IMPG2: variants seen among roughly 807,000 people sequenced by gnomAD.
The protein encoded by IMPG2 is interphotoreceptor matrix proteoglycan 2.
Under a neutral mutation model 129.2 loss-of-function variants are expected in IMPG2, and 91 were observed. That is an observed-to-expected ratio of 0.70 (90% CI 0.59 to 0.84). IMPG2 has a LOEUF of 0.84. IMPG2 is among the 40% of genes least tolerant of loss of function. IMPG2 has a pLI of 0.00. For missense variants in IMPG2, 1,430 were observed against 1,461.7 expected, an observed-to-expected ratio of 0.98 and a Z score of 0.35; for synonymous variants, 510 against 517.7, an observed-to-expected ratio of 0.99 and a Z score of 0.20.
intron 4 of IMPG2, among the ~76,000 whole-genome samples, chr3:101,289,411 A>T (rs1397789021): frequency 6.6e-6 from 1 of 152,232 alleles, no homozygotes; most frequent in Non-Finnish European, 1.5e-5. Flanking sequence ...GTAAAAGTAC[A>T]TAATTCAGAG....
chr3:101,235,338 T>C lies in IMPG2; in HGVS notation c.3023-2347A>G, dbSNP rs557479798. 2.0e-5 allele frequency among the ~76,000 whole-genome samples: 3 copies of C among 152,364 alleles called. No homozygotes were observed. The South Asian group carries it at 6.2e-4, about 32-fold the overall frequency. ...GAAGAAATTTACCCTTGTAGCATCA[T>C]GTCAGTGCTCAAAAAGTTTCAGACT... is the stretch of plus-strand genomic sequence containing the variant. On this transcript the variant is annotated intron_variant, in intron 14 of 18. Transcript: ENST00000193391.
chr3:101,260,350 T>C (rs374055215), intron 9 of IMPG2, among the ~76,000 whole-genome samples: 13 of 152,144 alleles, frequency 8.5e-5, no homozygotes, highest in East Asian at 3.9e-4. Flanking sequence ...TCCTCAATCC[T>C]CTAAGCAATT....
Position 101,283,676 on chromosome 3 carries a change from A to G in IMPG2, c.534-6963T>C, listed in dbSNP as rs542055617. On this transcript the variant is annotated intron_variant, in intron 4 of 18. Coordinates refer to ENST00000193391, the MANE Select transcript of IMPG2 (RefSeq NM_016247.4). ...AAATAAATCAATTTATATAAAATTT[A>G]TACATACTGATATACTACATAGCAA... Among the ~76,000 whole-genome samples the G allele has an allele frequency of 3.9e-5, 6 of 152,284 alleles. No individual in the cohort carries two copies. In the South Asian group the frequency reaches 1.2e-3, roughly 32 times the overall value.
chr3:101,236,300 T>C (rs1706345019), intron 14 of IMPG2, among the ~76,000 whole-genome samples: 1 of 152,216 alleles, frequency 6.6e-6, no homozygotes, highest in African/African-American at 2.4e-5. Context: ...GTGGGGCTAA[T>C]GCCAGCTAAT....
intron 10 of IMPG2, among the ~76,000 whole-genome samples, chr3:101,256,449 C>A (rs348884): frequency 1.3e-5 from 2 of 151,862 alleles, no homozygotes; most frequent in Admixed American, 6.6e-5. Context: ...AGCCCCAACT[C>A]AAAAAAATCT....
intron 9 of IMPG2, among the ~76,000 whole-genome samples, chr3:101,261,165 A>AG (rs1706665681): frequency 6.6e-6 from 1 of 152,162 alleles, no homozygotes; most frequent in African/African-American, 2.4e-5. Flanking sequence ...TCTTAGCGTG[A>AG]TAGACCATAT....
intron 6 of IMPG2, 54 bp downstream of exon 6, chr3:101,275,609 T>C: frequency 7.7e-7 from 1 of 1,306,340 alleles, no homozygotes; most frequent in Non-Finnish European, 1.1e-6. Flanking sequence ...AAACTCTCTC[T>C]TAATCTCTAT....
At position 101,244,090 on chromosome 3, in the gene IMPG2, C is replaced by T. The variant is rs201394380; in HGVS notation, c.2241G>A (p.Met747Ile). 3.1e-6 allele frequency: 5 copies of T among 1,614,014 alleles called. No homozygotes were observed. In the Admixed American group the frequency reaches 6.7e-5, roughly 22 times the overall value. Residue 747 changes from methionine to isoleucine, a missense_variant, in exon 13 of 19, where the codon ATG becomes ATA. By Grantham distance (10) the Met-to-Ile change is conservative (BLOSUM62 1). Transcript: ENST00000193391. ...DQADAILRED[M>I]EQITESSNYE... ...AGTTGGATGACTCAGTAATTTGTTCCATATCCTCCCTTAGGATGGCATCTG... is the reference window on the plus strand; with the variant it reads ...AGTTGGATGACTCAGTAATTTGTTCTATATCCTCCCTTAGGATGGCATCTG...
chr3:101,281,969 G>A (rs1475673575), intron 4 of IMPG2, among the ~76,000 whole-genome samples: 2 of 152,148 alleles, frequency 1.3e-5, no homozygotes, highest in Non-Finnish European at 1.5e-5. Flanking sequence ...CTTTTGAACT[G>A]CAGAACTATA....
chr3:101,227,090 T>G lies in IMPG2; in HGVS notation c.3714-109A>C, dbSNP rs1706233049. The G allele has an allele frequency of 9.0e-6, 11 of 1,222,322 alleles. No individual in the cohort carries two copies. The South Asian group carries it at 1.3e-4, about 14-fold the overall frequency. 75.7% of individuals were successfully genotyped at this position (1,222,322 alleles called of 1,614,324 possible). ...TATACTCCTAAAATCATGAATACTT[T>G]CTATTTTTTTCTTTATTTGAAGGAA... is the stretch of plus-strand genomic sequence containing the variant. On this transcript the variant is annotated intron_variant, in intron 18 of 18. Coordinates refer to ENST00000193391, the MANE Select transcript of IMPG2 (RefSeq NM_016247.4).
intron 2 of IMPG2, among the ~76,000 whole-genome samples, chr3:101,305,539 T>C (rs1707180918): frequency 6.6e-6 from 1 of 152,132 alleles, no homozygotes; most frequent in Non-Finnish European, 1.5e-5. Context: ...TATGCCACAA[T>C]ATTATAAAAT....
rs1706186668 is a variant in IMPG2, at chr3:101,223,453, C to G, written c.*3516G>C. 1 of 152,128 alleles carries G rather than the reference C, an allele frequency of 6.6e-6. No individual in the cohort carries two copies. Among genetic ancestry groups the G allele is most frequent in the African/African-American group, 2.4e-5 (1 of 41,418 alleles). 9.4% of individuals were successfully genotyped at this position (152,128 alleles called of 1,614,324 possible). Reference sequence around the variant, plus strand: ...TGGAATAAATATGTTGTCTTCTCTTCCGTTGCAAAATGAAAATTCAATTCA... The same window carrying G: ...TGGAATAAATATGTTGTCTTCTCTTGCGTTGCAAAATGAAAATTCAATTCA... On this transcript the variant is annotated 3_prime_UTR_variant, in exon 19 of 19. Coordinates refer to ENST00000193391, the MANE Select transcript of IMPG2 (RefSeq NM_016247.4).
intron 3 of IMPG2, among the ~76,000 whole-genome samples, chr3:101,301,394 T>C (rs1163928525): frequency 2.0e-5 from 3 of 152,178 alleles, no homozygotes; most frequent in African/African-American, 7.2e-5. Context: ...TTGTAAAAAA[T>C]GCAGTATCTG....
At chr3:101,297,208 G>A (rs1475149241) in intron 3 of IMPG2, among the ~76,000 whole-genome samples, 2 of 152,124 alleles carry the variant, frequency 1.3e-5, no homozygotes, top group South Asian at 2.1e-4. Flanking sequence ...ACGCCCGGCC[G>A]GCAGTTTTTA....
At chr3:101,270,778 C>A (rs924159759) in intron 7 of IMPG2, among the ~76,000 whole-genome samples, 1 of 151,756 alleles carries the variant, frequency 6.6e-6, no homozygotes, top group Admixed American at 6.6e-5. Context: ...CCAGCCTGGG[C>A]GACATACTCC....
At chr3:101,300,726 G>C (rs1038823500) in intron 3 of IMPG2, among the ~76,000 whole-genome samples, 4 of 152,210 alleles carry the variant, frequency 2.6e-5, no homozygotes, top group African/African-American at 9.6e-5. Context: ...GGCTGCCAGT[G>C]CAGGATTCAC....
At chr3:101,294,780 C>T (rs1188759572) in intron 3 of IMPG2, among the ~76,000 whole-genome samples, 1 of 152,186 alleles carries the variant, frequency 6.6e-6, no homozygotes, top group Non-Finnish European at 1.5e-5. Flanking sequence ...TTAATAATTG[C>T]CATTCTGACT....
chr3:101,302,819 T>C (rs907478162), intron 3 of IMPG2, among the ~76,000 whole-genome samples: 1 of 152,168 alleles, frequency 6.6e-6, no homozygotes, highest in African/African-American at 2.4e-5. Context: ...AAAAGTTGCG[T>C]TCATTTTAAA....
At chr3:101,318,880 A>G (rs2058797325) in intron 2 of IMPG2, among the ~76,000 whole-genome samples, 1 of 152,178 alleles carries the variant, frequency 6.6e-6, no homozygotes, top group African/African-American at 2.4e-5. Context: ...CATAAAAAGT[A>G]TGAGATCAAG....
Sources: allele counts gnomAD v4.1 joint callset (sites outside exome capture counted in the v4.1 genomes callset), GRCh38; gene constraint gnomAD v4.1.1; transcripts MANE v1.5; gene names NCBI Gene and HGNC (gene_info 2026-07-23, HGNC 2026-07-21).